The following RHOBTB1 variants were observed in gnomAD, a reference collection of about 807,000 sequenced individuals.
The protein encoded by RHOBTB1 is Rho related BTB domain containing 1.
In RHOBTB1, 40 loss-of-function variants were observed where a neutral mutation model predicts 71.6. The ratio of observed to expected loss-of-function variants is 0.56; its 90% CI spans 0.43 to 0.73. The LOEUF (loss-of-function observed/expected upper bound fraction) is 0.73. RHOBTB1 is among the 30% of genes least tolerant of loss of function. The pLI is 0.00. For synonymous variants in RHOBTB1, 319 were observed against 334.9 expected (o/e 0.95, Z 0.52); for missense variants, 797 against 894.0 (o/e 0.89, Z 1.38).
rs555973264 is a variant in RHOBTB1 at position 60,907,655 on chromosome 10, T to A, written c.296+3232A>T. 2.0e-5 allele frequency among the ~76,000 whole-genome samples: 3 copies of A among 152,342 alleles called. No homozygotes were observed. In the East Asian group the frequency reaches 5.8e-4, roughly 29 times the overall value. On this transcript the variant is annotated intron_variant, in intron 4 of 10. Coordinates refer to ENST00000337910, the MANE Select transcript of RHOBTB1 (RefSeq NM_014836.5). ...TAGAAGGGCTCCTATCAATACTTTT[T>A]TTTGGATAGATGGATGATTTCCCTT...
At chr10:60,958,591 G>C (rs1257364789) in intron 2 of RHOBTB1, among the ~76,000 whole-genome samples, 1 of 151,908 alleles carries the variant, frequency 6.6e-6, no homozygotes, top group African/African-American at 2.4e-5. Context: ...GAAGCTTTTT[G>C]GGTTTATGTT....
At chr10:60,887,611 G>A (rs1232409867) in intron 6 of RHOBTB1, among the ~76,000 whole-genome samples, 1 of 152,224 alleles carries the variant, frequency 6.6e-6, no homozygotes, top group East Asian at 1.9e-4. Flanking sequence ...AACTACAGAA[G>A]TGCAGGGCCA....
chr10:60,913,936 G>A (rs2083129586), intron 2 of RHOBTB1, among the ~76,000 whole-genome samples: 1 of 152,170 alleles, frequency 6.6e-6, no homozygotes, highest in Non-Finnish European at 1.5e-5. Flanking sequence ...TAAGTCCTCA[G>A]TGCCGTAACT....
intron 2 of RHOBTB1, among the ~76,000 whole-genome samples, chr10:60,928,279 A>G (rs2084010144): frequency 6.6e-6 from 1 of 152,066 alleles, no homozygotes; most frequent in South Asian, 2.1e-4. Flanking sequence ...AAAACTAAAA[A>G]TCAAACTATC....
chr10:60,954,424 A>G (rs1334353455), intron 2 of RHOBTB1, among the ~76,000 whole-genome samples: 1 of 152,208 alleles, frequency 6.6e-6, no homozygotes, highest in Non-Finnish European at 1.5e-5. Flanking sequence ...TGAGCACTGA[A>G]TGAATTCTTT....
At position 60,952,931 on chromosome 10, in the gene RHOBTB1, A is replaced by G. The variant is rs548443956; in HGVS notation, c.-61-11077T>C. Among the ~76,000 whole-genome samples the G allele has an allele frequency of 6.6e-5, 10 of 152,292 alleles. No homozygotes were observed. In the South Asian group the frequency reaches 2.1e-3, roughly 32 times the overall value. On this transcript the variant is annotated intron_variant, in intron 2 of 11. Coordinates refer to the RHOBTB1 transcript ENST00000357917. ...GATATGCCCTCACAACCACAAATTC[A>G]AAGAAAACACAATTTGTGGGAAAAC...
intron 2 of RHOBTB1, among the ~76,000 whole-genome samples, chr10:60,921,122 T>C (rs1444798647): frequency 1.3e-5 from 2 of 152,004 alleles, no homozygotes. Context: ...CTAATTTTTG[T>C]ATTTTTGTAG....
chr10:60,909,093 G>A (rs920686258), intron 4 of RHOBTB1, among the ~76,000 whole-genome samples: 2 of 152,288 alleles, frequency 1.3e-5, no homozygotes, highest in Admixed American at 6.5e-5. Context: ...GAACACACAC[G>A]CAGGTATGGC....
intron 1 of RHOBTB1, among the ~76,000 whole-genome samples, chr10:60,997,064 T>TACAC (rs3049452): frequency 0.036 from 5,171 of 144,886 alleles, 128 homozygotes; most frequent in East Asian, 0.14. Flanking sequence ...CATGGTTATG[T>TACAC]ACACACACAC....
chr10:60,892,933 C>G lies in RHOBTB1; in HGVS notation c.359G>C (p.Ser120Thr). ...ANPNSLNHVK[S>T]MWYPEIKHFC... ...GTGCTTGATTTCTGGATACCACATG[C>G]TTTTCACATGATTTAGGGAATTGGG... is the stretch of plus-strand genomic sequence containing the variant. Residue 120 changes from serine (S) to threonine (T), a missense_variant, in exon 5 of 11, where the codon AGC (serine) becomes ACC (threonine). Ser to Thr is a moderately conservative substitution (Grantham distance 58, BLOSUM62 1). Coordinates refer to ENST00000337910, the MANE Select transcript of RHOBTB1 (RefSeq NM_014836.5). 1 of 1,614,032 alleles carries G rather than the reference C, an allele frequency of 6.2e-7. No individual in the cohort carries two copies. The highest frequency in any genetic ancestry group is 8.5e-7 in the Non-Finnish European group (1 of 1,179,954).
chr10:60,887,013 C>T (rs2081618155), intron 6 of RHOBTB1, among the ~76,000 whole-genome samples: 1 of 151,424 alleles, frequency 6.6e-6, no homozygotes, highest in Non-Finnish European at 1.5e-5. Flanking sequence ...TCCCTATTAT[C>T]ATCCACTATA....
intron 1 of RHOBTB1, among the ~76,000 whole-genome samples, chr10:60,987,389 C>T (rs1241901800): frequency 6.6e-6 from 1 of 152,134 alleles, no homozygotes; most frequent in African/African-American, 2.4e-5. Context: ...TTCCCCTGTT[C>T]CTTAAAATCA....
rs185715171 is a variant in RHOBTB1 at position 60,938,937 on chromosome 10, C to A, written c.-11+2867G>T. On this transcript the variant is annotated intron_variant, in intron 2 of 10. Coordinates refer to ENST00000337910, the MANE Select transcript of RHOBTB1 (RefSeq NM_014836.5). Reference sequence around the variant, plus strand: ...CATAAATGCTAGTTTATTGTTATCACAGCAGTCATTAGGAGTTTGGTCTAC... The same window carrying A: ...CATAAATGCTAGTTTATTGTTATCAAAGCAGTCATTAGGAGTTTGGTCTAC... Among the ~76,000 whole-genome samples, 668 of 152,152 alleles carry A rather than the reference C, an allele frequency of 4.4e-3. 2 individuals are homozygous for A. Among genetic ancestry groups the A allele is most frequent in the Non-Finnish European group, 7.4e-3 (500 of 67,996 alleles).
intron 6 of RHOBTB1, 81 bp downstream of exon 6, chr10:60,888,131 T>C (rs1308247781): frequency 1.4e-6 from 2 of 1,475,724 alleles, no homozygotes; most frequent in African/African-American, 2.8e-5. Flanking sequence ...CTATCGTTCT[T>C]CTTTCTCCTG....
At chr10:60,990,446 G>A (rs941149771) in intron 1 of RHOBTB1, among the ~76,000 whole-genome samples, 8 of 152,144 alleles carry the variant, frequency 5.3e-5, no homozygotes, top group African/African-American at 1.4e-4. Flanking sequence ...CAGGCAGGAC[G>A]ACAGACAGAA....
At chr10:60,895,139 C>T (rs1243524448) in intron 4 of RHOBTB1, among the ~76,000 whole-genome samples, 3 of 152,122 alleles carry the variant, frequency 2.0e-5, no homozygotes, top group Non-Finnish European at 4.4e-5. Flanking sequence ...TATGTCACAT[C>T]AATATCTAAA....
chr10:60,880,226 A>T (rs1421503257), intron 7 of RHOBTB1, among the ~76,000 whole-genome samples: 2 of 146,302 alleles, frequency 1.4e-5, no homozygotes, highest in Non-Finnish European at 1.5e-5. Flanking sequence ...AGAGAGAGAG[A>T]GAGAGAGAGA....
intron 2 of RHOBTB1, among the ~76,000 whole-genome samples, chr10:60,968,012 G>T (rs1198066634): frequency 6.6e-6 from 1 of 152,044 alleles, no homozygotes; most frequent in African/African-American, 2.4e-5. Context: ...GGAGCAGAGG[G>T]ACTGCAGTCC....
At chr10:60,961,917 C>T (rs2085795654) in intron 2 of RHOBTB1, among the ~76,000 whole-genome samples, 1 of 151,440 alleles carries the variant, frequency 6.6e-6, no homozygotes, top group South Asian at 2.1e-4. Flanking sequence ...AAATGATTCT[C>T]CTGCTCCAGC....
Sources: gnomAD v4.1 joint callset for allele counts (sites outside exome capture counted in the v4.1 genomes callset) on GRCh38, gnomAD v4.1.1 for gene constraint, MANE v1.5 for transcripts, NCBI Gene and HGNC (gene_info 2026-07-23, HGNC 2026-07-21) for gene names.